The following EPN2 variants were observed in gnomAD, a reference collection of about 807,000 sequenced individuals.
The protein encoded by EPN2 is epsin-2.
In EPN2, 34 loss-of-function variants were observed where a neutral mutation model predicts 61.7. That is an observed-to-expected ratio of 0.55 (90% CI 0.42 to 0.73). The LOEUF is 0.73. EPN2 is among the 30% of genes least tolerant of loss of function. The pLI, the probability that EPN2 is intolerant of heterozygous loss-of-function variation, is 0.00. For missense variants in EPN2, 714 were observed against 839.2 expected, an observed-to-expected ratio of 0.85 and a Z score of 1.84; for synonymous variants, 349 against 353.6, an observed-to-expected ratio of 0.99 and a Z score of 0.15.
intron 4 of EPN2, among the ~76,000 whole-genome samples, chr17:19,301,635 A>G (rs1905524836): frequency 6.6e-6 from 1 of 152,186 alleles, no homozygotes; most frequent in African/African-American, 2.4e-5. Context: ...CTCTTTGGTC[A>G]TGTGCCCTTG....
intron 7 of EPN2, among the ~76,000 whole-genome samples, chr17:19,317,379 G>GCC (rs1906432978): frequency 6.6e-6 from 1 of 152,212 alleles, no homozygotes; most frequent in South Asian, 2.1e-4. Context: ...GCTGGCTGGA[G>GCC]CCCTCTCTCT....
chr17:19,278,475 C>A (rs959255122), intron 1 of EPN2, among the ~76,000 whole-genome samples: 5 of 152,112 alleles, frequency 3.3e-5, no homozygotes, highest in Non-Finnish European at 7.4e-5. Flanking sequence ...CCCTGATAAA[C>A]CCATCAGATC....
At position 19,329,587 on chromosome 17, in the gene EPN2, A is replaced by T; in HGVS notation, c.1351A>T (p.Asn451Tyr). 2 of 1,613,432 alleles carry T rather than the reference A, an allele frequency of 1.2e-6. No individual in the cohort carries two copies. Among genetic ancestry groups the T allele is most frequent in the Non-Finnish European group, 1.7e-6 (2 of 1,179,444 alleles). ...SGSFELFSNL[N>Y]GTIKDDFSEF... The stretch of plus-strand genomic sequence containing the variant: ...GTCCTTTGAGCTCTTCAGTAATCTG[A>T]ATGGTACAATTAAAGATGACTTTTC... The change falls in exon 9 of 11, where the codon AAT becomes TAT. Residue 451 changes from asparagine to tyrosine, a missense_variant. Coordinates refer to ENST00000314728, the MANE Select transcript of EPN2 (RefSeq NM_014964.5).
intron 1 of EPN2, among the ~76,000 whole-genome samples, chr17:19,261,781 C>G (rs2152208191): frequency 6.6e-6 from 1 of 152,354 alleles, no homozygotes. Flanking sequence ...AGGCTCATTT[C>G]TTTTTCATGG....
chr17:19,286,147 T>C (rs1006487648), intron 4 of EPN2, among the ~76,000 whole-genome samples: 4 of 152,160 alleles, frequency 2.6e-5, no homozygotes, highest in Admixed American at 6.5e-5. Flanking sequence ...GTCAGACAAC[T>C]TGGCTTGTTG....
At chr17:19,261,436 A>G (rs747599324) in intron 1 of EPN2, among the ~76,000 whole-genome samples, 48 of 152,224 alleles carry the variant, frequency 3.2e-4, no homozygotes, top group Non-Finnish European at 6.2e-4. Flanking sequence ...TTTTTTCTCA[A>G]TTTCTGAAGG....
chr17:19,256,405 G>A (rs1394057159), intron 1 of EPN2, among the ~76,000 whole-genome samples: 4 of 124,806 alleles, frequency 3.2e-5, no homozygotes, highest in African/African-American at 1.4e-4. Flanking sequence ...GGGCAACATA[G>A]CAGGACCCTG....
intron 7 of EPN2, among the ~76,000 whole-genome samples, chr17:19,319,876 G>A (rs1045344172): frequency 5.3e-5 from 8 of 152,122 alleles, no homozygotes; most frequent in Non-Finnish European, 1.0e-4. Context: ...TCCAACTCCT[G>A]ACCTTGATCC....
intron 4 of EPN2, among the ~76,000 whole-genome samples, chr17:19,291,515 G>A (rs934843471): frequency 3.8e-5 from 5 of 129,914 alleles, no homozygotes; most frequent in Non-Finnish European, 6.2e-5. Flanking sequence ...TTGGCTCACT[G>A]CAAGCTCCGC....
At chr17:19,239,189 C>T (rs2044851960) in intron 1 of EPN2, among the ~76,000 whole-genome samples, 1 of 152,170 alleles carries the variant, frequency 6.6e-6, no homozygotes, top group Non-Finnish European at 1.5e-5. Context: ...TCTCTGTCAC[C>T]CAGGCTAGAG....
At chr17:19,305,324 C>T (rs998496868) in intron 4 of EPN2, among the ~76,000 whole-genome samples, 1 of 151,994 alleles carries the variant, frequency 6.6e-6, no homozygotes, top group Non-Finnish European at 1.5e-5. Flanking sequence ...GTTTTGCCCT[C>T]GTTGGCCAGG....
chr17:19,289,779 T>G (rs1486815361), intron 4 of EPN2, among the ~76,000 whole-genome samples: 2 of 134,738 alleles, frequency 1.5e-5, no homozygotes, highest in Admixed American at 1.7e-4. Context: ...CAGGCTAGAG[T>G]GTAGTGGGGT....
intron 4 of EPN2, among the ~76,000 whole-genome samples, chr17:19,287,270 CTT>C (rs2045415290): frequency 6.6e-6 from 1 of 152,098 alleles, no homozygotes; most frequent in African/African-American, 2.4e-5. Flanking sequence ...TGGCAAGTTG[CTT>C]AAGGTATCCA....
At chr17:19,255,529 A>T (rs2045066698) in intron 1 of EPN2, among the ~76,000 whole-genome samples, 2 of 125,962 alleles carry the variant, frequency 1.6e-5, no homozygotes, top group African/African-American at 6.0e-5. Context: ...CTCAACTTTG[A>T]CTGTACCTTA....
intron 1 of EPN2, among the ~76,000 whole-genome samples, chr17:19,280,239 T>TGGTG (rs2045347361): frequency 6.6e-6 from 1 of 152,202 alleles, no homozygotes; most frequent in South Asian, 2.1e-4. Context: ...TTGAAGGGCC[T>TGGTG]GGTGGTCCCT....
At chr17:19,297,915 GTC>G (rs1491443818) in intron 4 of EPN2, among the ~76,000 whole-genome samples, 1 of 152,246 alleles carries the variant, frequency 6.6e-6, no homozygotes, top group East Asian at 1.9e-4. Flanking sequence ...TTGAGACAGA[GTC>G]TCACTCTGTC....
At chr17:19,306,364 TC>T (rs1567862491) in intron 4 of EPN2, 1 of 152,266 alleles carries the variant, frequency 6.6e-6, no homozygotes, top group African/African-American at 2.4e-5. Flanking sequence ...CGAAGCTCAG[TC>T]CCGTTGTGTG....
At position 19,253,776 on chromosome 17, in the gene EPN2, T is replaced by C. The variant is rs149905725; in HGVS notation, c.-294+16245T>C. Among the ~76,000 whole-genome samples the C allele has an allele frequency of 2.2e-4, 33 of 152,266 alleles. No homozygotes were observed. In the East Asian group the frequency reaches 6.2e-3, roughly 28 times the overall value. On this transcript the variant is annotated intron_variant, in intron 1 of 10. Coordinates refer to ENST00000314728, the MANE Select transcript of EPN2 (RefSeq NM_014964.5). ...TGTGCTGCCTGGATCAAAAAGAAAA[T>C]GTCACATGTGAGAGGGCAAGACAGT...
chr17:19,309,421 G>A (rs1906010457), intron 4 of EPN2, among the ~76,000 whole-genome samples: 1 of 152,190 alleles, frequency 6.6e-6, no homozygotes, highest in African/African-American at 2.4e-5. Context: ...GAGCCACCGC[G>A]CCTGGCCTCA....
Sources: gnomAD v4.1 joint callset for allele counts (sites outside exome capture counted in the v4.1 genomes callset) on GRCh38, gnomAD v4.1.1 for gene constraint, MANE v1.5 for transcripts, NCBI Gene and HGNC (gene_info 2026-07-23, HGNC 2026-07-21) for gene names.